Variants in EFHC1 observed in about 807,000 individuals in gnomAD.
EFHC1 encodes EF-hand domain containing 1, also known as EF-hand domain-containing protein 1.
Under a neutral mutation model 69.9 loss-of-function variants are expected in EFHC1, and 53 were observed. The ratio of observed to expected loss-of-function variants is 0.76; its 90% CI spans 0.61 to 0.95. The LOEUF is 0.95. Ranked by LOEUF, EFHC1 falls within the 40% of genes least tolerant of loss-of-function variation. EFHC1 has a pLI of 0.00. For synonymous variants in EFHC1, 256 were observed against 278.4 expected (o/e 0.92, Z 0.80); for missense variants, 739 against 798.7 (o/e 0.93, Z 0.90).
chr6:52,454,647 A>G (rs979647294), intron 5 of EFHC1, among the ~76,000 whole-genome samples: 6 of 152,184 alleles, frequency 3.9e-5, no homozygotes, highest in East Asian at 3.8e-4. Context: ...GCTTTTCTTT[A>G]TATGCTTTCC....
In EFHC1 at chr6:52,454,135, T is replaced by G; in HGVS notation, c.764T>G (p.Met255Arg). The G allele has an allele frequency of 6.2e-7, 1 of 1,614,062 alleles. No individual in the cohort carries two copies. The highest frequency in any genetic ancestry group is 8.5e-7 in the Non-Finnish European group (1 of 1,179,992). ...GCAATCTGGGATGATACAGACAGCA[T>G]GTATGGTGAATGTCGGACCTACATC... ...FYAIWDDTDS[M>R]YGECRTYIIH... Residue 255 changes from methionine (M) to arginine (R), a missense_variant, in exon 5 of 11, where the codon ATG (methionine) becomes AGG (arginine). By Grantham distance (91) the Met-to-Arg change is moderately conservative. Transcript: ENST00000371068.
intron 7 of EFHC1, among the ~76,000 whole-genome samples, chr6:52,471,942 G>A (rs1208103919): frequency 6.6e-6 from 1 of 151,352 alleles, no homozygotes; most frequent in Non-Finnish European, 1.5e-5. Context: ...TGTTTACCAT[G>A]TTTAAGGAGA....
intron 7 of EFHC1, among the ~76,000 whole-genome samples, chr6:52,475,546 C>T (rs567150314): frequency 6.6e-6 from 1 of 152,284 alleles, no homozygotes; most frequent in African/African-American, 2.4e-5. Context: ...TTCAAAGCAG[C>T]TGAATGTCTT....
chr6:52,474,473 A>T (rs1304546767), intron 7 of EFHC1, among the ~76,000 whole-genome samples: 1 of 152,260 alleles, frequency 6.6e-6, no homozygotes, highest in Non-Finnish European at 1.5e-5. Flanking sequence ...AAGAGAGTAT[A>T]CCCACTTTGT....
intron 9 of EFHC1, chr6:52,482,869 T>C (rs909197072): frequency 2.5e-6 from 1 of 398,498 alleles, no homozygotes; most frequent in African/African-American, 2.1e-5. Context: ...CAGCTTTCTC[T>C]TCTATAACTC....
At position 52,493,871 on chromosome 6, in the gene EFHC1, T is replaced by C. The variant is rs1309701369; in HGVS notation, c.*1530T>C. On this transcript the variant is annotated 3_prime_UTR_variant, in exon 11 of 11. Transcript: ENST00000371068. Reference sequence around the variant, plus strand: ...AAATGTGGTATGAATGAGGATAGAGTTACACAGAATTCAGACTGCTTTGCC... The same window carrying C: ...AAATGTGGTATGAATGAGGATAGAGCTACACAGAATTCAGACTGCTTTGCC... 2.2e-6 allele frequency: 1 copy of C among 454,018 alleles called. No individual in the cohort carries two copies. The highest frequency in any genetic ancestry group is 4.4e-6 in the Non-Finnish European group (1 of 226,780). The allele number at this position is 454,018 out of a possible 1,614,324, so 28.1% of individuals were successfully genotyped here.
chr6:52,494,613 G>A lies in EFHC1; in HGVS notation c.*2272G>A, dbSNP rs1295155726. The A allele has an allele frequency of 2.2e-6, 1 of 454,084 alleles. No individual in the cohort carries two copies. Among genetic ancestry groups the A allele is most frequent in the South Asian group, 1.6e-5 (1 of 64,464 alleles). 28.1% of individuals were successfully genotyped at this position (454,084 alleles called of 1,614,324 possible). A position where few individuals can be genotyped will look rare whatever the true frequency, so the allele number is the denominator to read the frequency against. On this transcript the variant is annotated 3_prime_UTR_variant, in exon 11 of 11. Coordinates refer to ENST00000371068, the MANE Select transcript of EFHC1 (RefSeq NM_018100.4). Reference sequence around the variant, plus strand: ...CTCTTTTTGGATTCAGGGGGTACATGTGCAGGTTTGTTACATGAGTATATT... The same window carrying A: ...CTCTTTTTGGATTCAGGGGGTACATATGCAGGTTTGTTACATGAGTATATT...
intron 2 of EFHC1, among the ~76,000 whole-genome samples, chr6:52,428,658 T>A (rs938773196): frequency 3.3e-5 from 5 of 152,240 alleles, no homozygotes; most frequent in African/African-American, 1.2e-4. Context: ...CATGTACAAG[T>A]ATCTTTTTTG....
At position 52,490,313 on chromosome 6, in the gene EFHC1, C is replaced by T. The variant is rs373267174; in HGVS notation, c.1814C>T (p.Ser605Leu). The change falls in exon 10 of 11, where the codon TCG becomes TTG. Residue 605 changes from serine (S) to leucine (L), a missense_variant. Transcript: ENST00000371068. ...GACATGTTCTTTAAAATCTGTGAAT[C>T]GCTTAACGTCCCAGTGGATGACTCC... ...DRDMFFKICE[S>L]LNVPVDDSLV... The T allele has an allele frequency of 1.8e-5, 29 of 1,613,984 alleles. No individual in the cohort carries two copies. The highest frequency in any genetic ancestry group is 1.1e-4 in the South Asian group (10 of 91,088).
At chr6:52,471,476 A>G (rs1255452690) in intron 7 of EFHC1, among the ~76,000 whole-genome samples, 2 of 152,202 alleles carry the variant, frequency 1.3e-5, no homozygotes, top group South Asian at 2.1e-4. Context: ...TAATAATACA[A>G]TGTTCAGAAA....
intron 2 of EFHC1, among the ~76,000 whole-genome samples, chr6:52,426,750 C>G (rs9474221): frequency 0.17 from 25,992 of 152,182 alleles, 2,520 homozygotes; most frequent in Non-Finnish European, 0.21. Context: ...CCATCTTTGG[C>G]TTTTTCTCTC....
intron 9 of EFHC1, chr6:52,488,565 G>A (rs1435641579): frequency 1.3e-5 from 2 of 152,072 alleles, no homozygotes; most frequent in Admixed American, 1.3e-4. Context: ...AGTCTATCAT[G>A]AACCCTTGTG....
intron 3 of EFHC1, among the ~76,000 whole-genome samples, chr6:52,439,497 C>G (rs987682559): frequency 3.3e-5 from 5 of 152,170 alleles, no homozygotes; most frequent in Admixed American, 1.3e-4. Context: ...CTATGACAAG[C>G]TAATAGTGCA....
chr6:52,459,797 C>T (rs1266837319), intron 5 of EFHC1, among the ~76,000 whole-genome samples: 1 of 152,160 alleles, frequency 6.6e-6, no homozygotes, highest in Non-Finnish European at 1.5e-5. Context: ...GCCTCAGCCT[C>T]CCGAGTAGCT....
chr6:52,448,968 G>A (rs1764853646), intron 3 of EFHC1, among the ~76,000 whole-genome samples: 1 of 152,160 alleles, frequency 6.6e-6, no homozygotes, highest in Non-Finnish European at 1.5e-5. Context: ...ATATTGGCCT[G>A]AAGTTTTCTT....
At chr6:52,447,848 G>A (rs1764821762) in intron 3 of EFHC1, among the ~76,000 whole-genome samples, 2 of 152,344 alleles carry the variant, frequency 1.3e-5, no homozygotes, top group African/African-American at 4.8e-5. Context: ...TTCAGACCCT[G>A]TTTGCCTGGG....
chr6:52,461,775 G>A (rs1765173006), intron 5 of EFHC1, among the ~76,000 whole-genome samples: 1 of 151,984 alleles, frequency 6.6e-6, no homozygotes, highest in African/African-American at 2.4e-5. Flanking sequence ...AACTGATGAG[G>A]TATAAAACAA....
At chr6:52,438,683 A>G (rs1415598445) in intron 3 of EFHC1, 92 bp downstream of exon 3, 3 of 1,375,028 alleles carry the variant, frequency 2.2e-6, no homozygotes, top group Non-Finnish European at 3.1e-6. Flanking sequence ...AGGGGAGGAC[A>G]TTGGTAATCT....
At chr6:52,478,607 T>C (rs549880722) in intron 7 of EFHC1, among the ~76,000 whole-genome samples, 1 of 152,322 alleles carries the variant, frequency 6.6e-6, no homozygotes, top group South Asian at 2.1e-4. Context: ...TTGAACATAA[T>C]GTCAGCCAAC....
Sources: allele counts gnomAD v4.1 joint callset (sites outside exome capture counted in the v4.1 genomes callset), GRCh38; gene constraint gnomAD v4.1.1; transcripts MANE v1.5; gene names NCBI Gene and HGNC (gene_info 2026-07-23, HGNC 2026-07-21).